The following RBFOX1 variants were observed in gnomAD, a reference collection of about 807,000 sequenced individuals.
RBFOX1 encodes RNA binding protein fox-1 homolog 1.
Under a neutral mutation model 57.7 loss-of-function variants are expected in RBFOX1, and 8 were observed. The ratio of observed to expected loss-of-function variants is 0.14; its 90% confidence interval spans 0.08 to 0.25. RBFOX1 has a LOEUF of 0.25. Ranked by LOEUF, RBFOX1 falls within the 10% of genes least tolerant of loss-of-function variation. The pLI, the probability that RBFOX1 is intolerant of heterozygous loss-of-function variation, is 1.00. For synonymous variants in RBFOX1, 326 were observed against 222.4 expected (o/e 1.47, Z -4.15); for missense variants, 611 against 548.5 (o/e 1.11, Z -1.14).
chr16:7,470,842 G>A (rs1209804581), intron 4 of RBFOX1, among the ~76,000 whole-genome samples: 1 of 151,998 alleles, frequency 6.6e-6, no homozygotes, highest in East Asian at 1.9e-4. Flanking sequence ...AACACACCAG[G>A]TTAAAGTAGC....
intron 1 of RBFOX1, among the ~76,000 whole-genome samples, chr16:5,257,903 G>A (rs1392628963): frequency 2.6e-5 from 4 of 152,156 alleles, no homozygotes; most frequent in Non-Finnish European, 5.9e-5. Flanking sequence ...CTTTGAGACA[G>A]GGTCTAACTC....
chr16:6,483,355 C>T (rs1009025918), intron 2 of RBFOX1: 27 of 1,493,928 alleles, frequency 1.8e-5, no homozygotes, highest in Admixed American at 8.1e-5. Context: ...CCAGGCAGCC[C>T]GGGCGAGCGA....
intron 4 of RBFOX1, among the ~76,000 whole-genome samples, chr16:5,965,879 C>A (rs2059833005): frequency 6.6e-6 from 1 of 152,024 alleles, no homozygotes; most frequent in Non-Finnish European, 1.5e-5. Context: ...TTTCCTCCTC[C>A]AGCTCACACC....
At chr16:7,386,706 A>G (rs2097888992) in intron 4 of RBFOX1, among the ~76,000 whole-genome samples, 1 of 152,070 alleles carries the variant, frequency 6.6e-6, no homozygotes, top group Admixed American at 6.6e-5. Flanking sequence ...ATGTATCTTT[A>G]TAGTAGCATG....
In RBFOX1 at chr16:7,700,637, G is replaced by C. The variant is rs1333620697; in HGVS notation, c.996-8419G>C. Among the ~76,000 whole-genome samples, 4 of 152,314 alleles carry C rather than the reference G, an allele frequency of 2.6e-5. No individual in the cohort carries two copies. The South Asian group carries it at 6.2e-4, about 24-fold the overall frequency. Reference sequence around the variant, plus strand: ...AACAAAGGAGAAATGAAATTTCTAAGAGAAGGATGGCCTTGAGCTCTGCAT... The same window carrying C: ...AACAAAGGAGAAATGAAATTTCTAACAGAAGGATGGCCTTGAGCTCTGCAT... On this transcript the variant is annotated intron_variant, in intron 14 of 15. Coordinates refer to ENST00000550418, the MANE Select transcript of RBFOX1 (RefSeq NM_018723.4).
chr16:6,625,912 C>T (rs11648207), intron 2 of RBFOX1, among the ~76,000 whole-genome samples: 36,314 of 152,054 alleles, frequency 0.24, 5,574 homozygotes, highest in Non-Finnish European at 0.33. Flanking sequence ...GCTCTGATCC[C>T]ATGTAAAGTT....
chr16:6,286,850 A>G (rs544619653), intron 1 of RBFOX1, among the ~76,000 whole-genome samples: 3 of 152,268 alleles, frequency 2.0e-5, no homozygotes, highest in Non-Finnish European at 2.9e-5. Context: ...TTCCTTCTCT[A>G]TCTCCCTGCA....
intron 2 of RBFOX1, among the ~76,000 whole-genome samples, chr16:6,527,433 GC>G (rs1391403235): frequency 1.3e-5 from 2 of 152,110 alleles, no homozygotes; most frequent in Admixed American, 6.6e-5. Context: ...TATTTTTGGG[GC>G]TTGGGGGTGT....
intron 2 of RBFOX1, among the ~76,000 whole-genome samples, chr16:5,559,052 T>C (rs2045787482): frequency 6.6e-6 from 1 of 150,830 alleles, no homozygotes; most frequent in Admixed American, 6.6e-5. Flanking sequence ...GGTACAGAGC[T>C]GGGCTGGGGG....
At chr16:6,852,820 G>T (rs1197809442) in intron 3 of RBFOX1, among the ~76,000 whole-genome samples, 1 of 151,906 alleles carries the variant, frequency 6.6e-6, no homozygotes, top group African/African-American at 2.4e-5. Context: ...GATGCATACT[G>T]GAAACTGCTT....
chr16:5,416,449 C>T (rs1197701350), intron 1 of RBFOX1, among the ~76,000 whole-genome samples: 2 of 152,054 alleles, frequency 1.3e-5, no homozygotes, highest in Non-Finnish European at 2.9e-5. Context: ...CAACTTTTTC[C>T]CGTGTCGGTT....
intron 2 of RBFOX1, among the ~76,000 whole-genome samples, chr16:6,457,442 C>CCCCCG (rs1555484760): frequency 1.4e-5 from 1 of 70,104 alleles, no homozygotes. Flanking sequence ...CGGAAGTCCC[C>CCCCCG]CCCCCCGCAA....
At chr16:7,361,258 T>C (rs1596434304) in intron 4 of RBFOX1, among the ~76,000 whole-genome samples, 1 of 152,236 alleles carries the variant, frequency 6.6e-6, no homozygotes, top group African/African-American at 2.4e-5. Flanking sequence ...TTGCACACTT[T>C]GTAGCCATTC....
intron 3 of RBFOX1, among the ~76,000 whole-genome samples, chr16:6,949,406 A>G (rs2080230727): frequency 6.6e-6 from 1 of 152,182 alleles, no homozygotes; most frequent in African/African-American, 2.4e-5. Context: ...TTAGCTGGCT[A>G]GGGGCACCAT....
chr16:6,234,868 G>A (rs1452804517), intron 1 of RBFOX1, among the ~76,000 whole-genome samples: 1 of 152,104 alleles, frequency 6.6e-6, no homozygotes, highest in East Asian at 1.9e-4. Context: ...AACAAGGTCT[G>A]TAGATTGCAC....
At position 7,249,959 on chromosome 16, in the gene RBFOX1, C is replaced by A. The variant is rs1366964389; in HGVS notation, c.27+197861C>A. On this transcript the variant is annotated intron_variant, in intron 4 of 15. Transcript: ENST00000550418. ...TTAAGAGACTCTTTCTCTAAATCTC[C>A]TTTAATAATGAAGAGAAGCATTATA... Among the ~76,000 whole-genome samples the A allele has an allele frequency of 2.0e-5, 3 of 152,186 alleles. No homozygotes were observed. The South Asian group carries it at 6.2e-4, about 32-fold the overall frequency.
chr16:7,653,625 T>TCATCCTCTC (rs1191955647), intron 11 of RBFOX1, among the ~76,000 whole-genome samples, 190 bp from the exon 12 acceptor site: 3 of 152,214 alleles, frequency 2.0e-5, no homozygotes, highest in African/African-American at 7.2e-5. Flanking sequence ...TGTTAACTAC[T>TCATCCTCTC]CATCCTCTCT....
intron 1 of RBFOX1, among the ~76,000 whole-genome samples, chr16:6,116,921 A>G (rs2096502184): frequency 1.3e-5 from 2 of 152,112 alleles, no homozygotes; most frequent in South Asian, 4.1e-4. Context: ...AGGGAGAGAG[A>G]TGCTGGAGGC....
At chr16:5,448,638 A>T (rs931318672) in intron 1 of RBFOX1, among the ~76,000 whole-genome samples, 12 of 152,178 alleles carry the variant, frequency 7.9e-5, no homozygotes, top group Non-Finnish European at 1.8e-4. Flanking sequence ...GTTGAAAACC[A>T]AGGATCCTGG....
Sources: allele counts gnomAD v4.1 joint callset (sites outside exome capture counted in the v4.1 genomes callset), GRCh38; gene constraint gnomAD v4.1.1; transcripts MANE v1.5; gene names NCBI Gene and HGNC (gene_info 2026-07-23, HGNC 2026-07-21).